Variants in DLG2 observed in about 807,000 individuals in gnomAD.
DLG2 encodes the protein discs large MAGUK scaffold protein 2, also known as disks large homolog 2.
A neutral mutation model predicts 132.5 loss-of-function variants in DLG2; 45 were observed. The observed-to-expected ratio is 0.34, with a 90% CI of 0.27 to 0.44. DLG2 has a LOEUF of 0.44. DLG2 is among the 20% of genes least tolerant of loss of function. The pLI is 1.00. For missense variants in DLG2, 1,045 were observed against 1,196.9 expected (o/e 0.87, Z 1.87); for synonymous variants, 424 against 419.6 (o/e 1.01, Z -0.13).
intron 4 of DLG2, among the ~76,000 whole-genome samples, chr11:85,174,501 C>T (rs1388502117): frequency 2.0e-5 from 3 of 152,096 alleles, no homozygotes; most frequent in South Asian, 2.1e-4. Flanking sequence ...CTAAATGCCA[C>T]ATTAAAAAGC....
intron 3 of DLG2, among the ~76,000 whole-genome samples, chr11:85,527,827 T>C (rs1024898127): frequency 6.6e-6 from 1 of 152,196 alleles, no homozygotes; most frequent in Non-Finnish European, 1.5e-5. Context: ...TATAAAAGTG[T>C]TTCTATTTCT....
chr11:83,746,312 G>A (rs1323993060), intron 18 of DLG2, among the ~76,000 whole-genome samples: 2 of 152,130 alleles, frequency 1.3e-5, no homozygotes, highest in Non-Finnish European at 2.9e-5. Flanking sequence ...CAATAGCAAA[G>A]ACTTGGAACC....
chr11:83,628,464 C>T (rs949770116), intron 19 of DLG2, among the ~76,000 whole-genome samples: 1 of 152,140 alleles, frequency 6.6e-6, no homozygotes, highest in Non-Finnish European at 1.5e-5. Flanking sequence ...TGTCCATGCT[C>T]ATGTTGTCTA....
At chr11:83,541,532 A>G (rs2096067129) in intron 20 of DLG2, 150 bp downstream of exon 20, 2 of 709,104 alleles carry the variant, frequency 2.8e-6, no homozygotes, top group Non-Finnish European at 4.3e-6. Flanking sequence ...AATTCATGTC[A>G]CCTGTCACCA....
chr11:84,369,368 A>T (rs7926823), intron 7 of DLG2, among the ~76,000 whole-genome samples: 55,171 of 152,056 alleles, frequency 0.36, 14,861 homozygotes, highest in African/African-American at 0.76. Flanking sequence ...TGACTTCAAC[A>T]AGAATGGGAA....
At chr11:85,456,689 G>C (rs1442657277) in intron 3 of DLG2, among the ~76,000 whole-genome samples, 1 of 152,142 alleles carries the variant, frequency 6.6e-6, no homozygotes, top group African/African-American at 2.4e-5. Flanking sequence ...TTTGGTCAAA[G>C]AATTTCTTGA....
intron 11 of DLG2, among the ~76,000 whole-genome samples, chr11:83,985,716 C>T (rs2093227118): frequency 6.6e-6 from 1 of 152,096 alleles, no homozygotes; most frequent in Non-Finnish European, 1.5e-5. Flanking sequence ...CATAGTATTC[C>T]ATGGTGTATA....
At chr11:84,079,101 T>A (rs1231888741) in intron 10 of DLG2, among the ~76,000 whole-genome samples, 1 of 152,168 alleles carries the variant, frequency 6.6e-6, no homozygotes, top group East Asian at 1.9e-4. Context: ...AGATGATTTA[T>A]TTGAAGGAAT....
chr11:83,775,246 A>G (rs2094537865), intron 18 of DLG2, among the ~76,000 whole-genome samples: 3 of 151,942 alleles, frequency 2.0e-5, no homozygotes. Context: ...GTTTCTCCAC[A>G]CCCATTCCAA....
intron 19 of DLG2, among the ~76,000 whole-genome samples, chr11:83,554,855 C>A (rs1181619305): frequency 6.6e-6 from 1 of 152,182 alleles, no homozygotes; most frequent in Admixed American, 6.5e-5. Context: ...ACCATGCAAT[C>A]ATGGCTTCAG....
At chr11:84,809,336 G>A (rs2076317474) in intron 6 of DLG2, among the ~76,000 whole-genome samples, 1 of 151,736 alleles carries the variant, frequency 6.6e-6, no homozygotes, top group African/African-American at 2.4e-5. Context: ...AGATTTAAGG[G>A]TGTAAGATGA....
intron 6 of DLG2, among the ~76,000 whole-genome samples, chr11:85,011,349 T>A (rs902098211): frequency 2.6e-5 from 4 of 152,238 alleles, no homozygotes; most frequent in African/African-American, 9.6e-5. Context: ...GGAAAGCTAG[T>A]TGATAACATC....
At chr11:84,821,348 G>A (rs2077652997) in intron 6 of DLG2, among the ~76,000 whole-genome samples, 1 of 151,534 alleles carries the variant, frequency 6.6e-6, no homozygotes, top group Non-Finnish European at 1.5e-5. Flanking sequence ...AGGCTTTCTG[G>A]GCCCTATGTC....
intron 3 of DLG2, among the ~76,000 whole-genome samples, chr11:85,419,274 G>A (rs561565574): frequency 6.6e-6 from 1 of 152,306 alleles, no homozygotes; most frequent in East Asian, 1.9e-4. Flanking sequence ...GGCTTGTAGG[G>A]TTTCTTAAGA....
At chr11:84,686,561 CTAAG>C (rs943574686) in intron 6 of DLG2, among the ~76,000 whole-genome samples, 35 of 149,814 alleles carry the variant, frequency 2.3e-4, no homozygotes, top group African/African-American at 8.6e-4. Context: ...TCCTGAAAAA[CTAAG>C]TGATTAGGCA....
At chr11:85,176,546 G>C (rs1005099770) in intron 4 of DLG2, among the ~76,000 whole-genome samples, 1 of 152,108 alleles carries the variant, frequency 6.6e-6, no homozygotes, top group African/African-American at 2.4e-5. Context: ...TTAGGACATA[G>C]GCACTGGCAA....
intron 4 of DLG2, among the ~76,000 whole-genome samples, chr11:85,236,059 TA>T (rs1383734981): frequency 2.6e-5 from 4 of 151,840 alleles, no homozygotes; most frequent in Non-Finnish European, 5.9e-5. Flanking sequence ...GATGGCTTAC[TA>T]AAAAAAGTTA....
chr11:85,213,230 T>C (rs1375148322), intron 4 of DLG2, among the ~76,000 whole-genome samples: 1 of 152,150 alleles, frequency 6.6e-6, no homozygotes, highest in Non-Finnish European at 1.5e-5. Flanking sequence ...GAGCCAAATA[T>C]GAGTGATCAA....
At chr11:83,479,590 A>G (rs1431657270) in intron 22 of DLG2, among the ~76,000 whole-genome samples, 1 of 152,106 alleles carries the variant, frequency 6.6e-6, no homozygotes, top group Non-Finnish European at 1.5e-5. Context: ...AAAAACCAGT[A>G]AGTAAGTAGG....
Sources: gnomAD v4.1 joint callset for allele counts (sites outside exome capture counted in the v4.1 genomes callset) on GRCh38, gnomAD v4.1.1 for gene constraint, MANE v1.5 for transcripts, NCBI Gene and HGNC (gene_info 2026-07-23, HGNC 2026-07-21) for gene names.